The following IRAK2 variants were observed in gnomAD, a reference collection of about 807,000 sequenced individuals.
IRAK2 encodes interleukin 1 receptor associated kinase 2.
IRAK2 carries 57 observed loss-of-function variants against 72.0 expected under a neutral mutation model. The ratio of observed to expected loss-of-function variants is 0.79; its 90% CI spans 0.64 to 0.99. The LOEUF is 0.99. Among genes scored for constraint, IRAK2 ranks in the 50% least tolerant of loss-of-function variants. The pLI, the probability that IRAK2 is intolerant of heterozygous loss-of-function variation, is 0.00. For missense variants in IRAK2, 790 were observed against 794.4 expected (o/e 0.99, Z 0.07); for synonymous variants, 293 against 312.7 (o/e 0.94, Z 0.67).
chr3:10,222,956 A>C, intron 9 of IRAK2, 125 bp downstream of exon 9: 2 of 865,484 alleles, frequency 2.3e-6, no homozygotes, highest in Non-Finnish European at 3.6e-6. Flanking sequence ...ACAGGGGCTG[A>C]CAAACTGTGG....
chr3:10,222,072 G>A (rs1184446395), intron 8 of IRAK2, among the ~76,000 whole-genome samples: 1 of 152,100 alleles, frequency 6.6e-6, no homozygotes, highest in East Asian at 1.9e-4. Context: ...ATTTTTAGTA[G>A]AGATGGAGTT....
Position 10,185,920 on chromosome 3 carries a change from G to A in IRAK2, c.277+7900G>A, listed in dbSNP as rs114299300. ...AATACAAAAATTAGCCAGAGGTGGCGGTGGGCACGTGTAATCCCAGCTACT... is the reference window on the plus strand; with the variant it reads ...AATACAAAAATTAGCCAGAGGTGGCAGTGGGCACGTGTAATCCCAGCTACT... On this transcript the variant is annotated intron_variant, in intron 2 of 12. Transcript: ENST00000256458. 7.5e-4 allele frequency among the ~76,000 whole-genome samples: 113 copies of A among 151,554 alleles called. 5 individuals carry two copies. Among genetic ancestry groups the A allele is most frequent in the African/African-American group, 2.3e-3 (96 of 40,932 alleles).
At chr3:10,180,636 A>G (rs924185274) in intron 2 of IRAK2, among the ~76,000 whole-genome samples, 2 of 152,024 alleles carry the variant, frequency 1.3e-5, no homozygotes, top group Non-Finnish European at 2.9e-5. Flanking sequence ...TGGCTGGACC[A>G]TCAGACCAGA....
intron 12 of IRAK2, 129 bp from the exon 13 acceptor site, chr3:10,241,986 GA>G (rs56369677): frequency 0.011 from 3,862 of 363,248 alleles, no homozygotes; most frequent in Non-Finnish European, 0.014. Context: ...AAAAAAAAAA[GA>G]AAAAAAAAAA....
chr3:10,216,946 C>T lies in IRAK2; in HGVS notation c.801C>T (p.Pro267=). ...CGCCCGATTCCAGATGCTGCCACCC[C>T]AATGTCTTACCTGTGCTGGGCTTCT... The part of the protein sequence containing the change: ...ELQICLRCCH[P]NVLPVLGFCA... The change falls in exon 7 of 13, where the codon CCC becomes CCT. Residue 267 remains proline (P), a synonymous_variant. Coordinates refer to ENST00000256458, the MANE Select transcript of IRAK2 (RefSeq NM_001570.4). The T allele has an allele frequency of 6.2e-7, 1 of 1,613,948 alleles. No individual in the cohort carries two copies. Among genetic ancestry groups the T allele is most frequent in the South Asian group, 1.1e-5 (1 of 91,076 alleles).
intron 2 of IRAK2, among the ~76,000 whole-genome samples, chr3:10,179,889 T>A (rs1402439820): frequency 6.6e-6 from 1 of 152,188 alleles, no homozygotes; most frequent in East Asian, 1.9e-4. Context: ...TTCTGTATAG[T>A]GTCATGATAC....
intron 3 of IRAK2, among the ~76,000 whole-genome samples, chr3:10,201,882 G>T (rs767512021): frequency 1.9e-4 from 29 of 152,214 alleles, no homozygotes; most frequent in Non-Finnish European, 3.7e-4. Context: ...GTGGGCTTTT[G>T]TATTAGACAG....
chr3:10,181,499 C>T (rs1696959082), intron 2 of IRAK2, among the ~76,000 whole-genome samples: 1 of 152,032 alleles, frequency 6.6e-6, no homozygotes, highest in African/African-American at 2.4e-5. Context: ...ACTCATGAGG[C>T]TGAGGCAGGA....
At chr3:10,167,333 CATATA>C (rs1696709505) in intron 1 of IRAK2, among the ~76,000 whole-genome samples, 1 of 152,120 alleles carries the variant, frequency 6.6e-6, no homozygotes, top group Admixed American at 6.6e-5. Context: ...TAAATGGAAT[CATATA>C]ATATATAGTG....
At chr3:10,194,284 G>A (rs1226855280) in intron 2 of IRAK2, among the ~76,000 whole-genome samples, 2 of 152,248 alleles carry the variant, frequency 1.3e-5, no homozygotes, top group Non-Finnish European at 2.9e-5. Flanking sequence ...TGTGATCCTA[G>A]TTCTACTCTT....
intron 1 of IRAK2, among the ~76,000 whole-genome samples, chr3:10,173,046 A>T (rs531512473): frequency 6.6e-6 from 1 of 151,944 alleles, no homozygotes; most frequent in Non-Finnish European, 1.5e-5. Flanking sequence ...TACTTATATC[A>T]TGTTTATTGT....
chr3:10,187,233 T>G (rs1212643955), intron 2 of IRAK2, among the ~76,000 whole-genome samples: 1 of 147,746 alleles, frequency 6.8e-6, no homozygotes, highest in Admixed American at 6.6e-5. Context: ...ATAGGCAATG[T>G]CTCCCGATGC....
chr3:10,180,218 C>A (rs1696940108), intron 2 of IRAK2, among the ~76,000 whole-genome samples: 1 of 152,080 alleles, frequency 6.6e-6, no homozygotes, highest in South Asian at 2.1e-4. Context: ...CCCAAAGAGA[C>A]CCCCTCAGCG....
In IRAK2 at chr3:10,213,193, C is replaced by T. The variant is rs1697549978; in HGVS notation, c.529-14C>T. 6.2e-7 allele frequency: 1 copy of T among 1,611,362 alleles called. No homozygotes were observed. Among genetic ancestry groups the T allele is most frequent in the Non-Finnish European group, 8.5e-7 (1 of 1,177,800 alleles). On this transcript the variant is annotated splice_polypyrimidine_tract_variant and intron_variant, in intron 4 of 12. Transcript: ENST00000256458. ...TTCCATAGTAATCTCCATCTCTTCTCTCTGGGTCTCCAGGACTTCAGCACC... is the reference window on the plus strand; with the variant it reads ...TTCCATAGTAATCTCCATCTCTTCTTTCTGGGTCTCCAGGACTTCAGCACC...
chr3:10,213,178 A>G (rs746818078), intron 4 of IRAK2, 29 bp from the exon 5 acceptor site: 3 of 1,594,458 alleles, frequency 1.9e-6, no homozygotes, highest in African/African-American at 1.3e-5. Context: ...TTCCATAGTA[A>G]TCTCCATCTC....
chr3:10,219,841 T>G, intron 8 of IRAK2, 52 bp downstream of exon 8: 1 of 1,279,494 alleles, frequency 7.8e-7, no homozygotes, highest in Non-Finnish European at 1.1e-6. Context: ...AGGGTGGAAC[T>G]GGTGCCTATT....
chr3:10,226,485 C>G, intron 10 of IRAK2, 52 bp downstream of exon 10: 1 of 1,457,286 alleles, frequency 6.9e-7, no homozygotes, highest in Non-Finnish European at 9.6e-7. Context: ...CCTCACAGCT[C>G]TGTAGAGAGG....
At chr3:10,193,808 C>T (rs1697220668) in intron 2 of IRAK2, among the ~76,000 whole-genome samples, 1 of 152,218 alleles carries the variant, frequency 6.6e-6, no homozygotes, top group Non-Finnish European at 1.5e-5. Flanking sequence ...GGCTGGCTGC[C>T]AATGGCGTGG....
chr3:10,209,590 G>A lies in IRAK2; in HGVS notation c.426G>A (p.Gly142=). 1 of 1,546,204 alleles carries A rather than the reference G, an allele frequency of 6.5e-7. No homozygotes were observed. Among genetic ancestry groups the A allele is most frequent in the Non-Finnish European group, 8.7e-7 (1 of 1,150,624 alleles). ...TGACCCATAGTCCCTCCTTTCCAGG[G>A]TCCTCTCCAGCCAGAGCCCACCAGC... is the stretch of plus-strand genomic sequence containing the variant. The part of the protein sequence containing the change: ...PVRMATFPGP[G]SSPARAHQPA... Residue 142 remains glycine (G), a splice_region_variant and synonymous_variant, in exon 4 of 13, where the codon GGG becomes GGA. Transcript: ENST00000256458.
Sources: gnomAD v4.1 joint callset for allele counts (sites outside exome capture counted in the v4.1 genomes callset) on GRCh38, gnomAD v4.1.1 for gene constraint, MANE v1.5 for transcripts, NCBI Gene and HGNC (gene_info 2026-07-23, HGNC 2026-07-21) for gene names.